Variants in ELOVL7 observed in about 807,000 individuals in gnomAD.
ELOVL7 encodes the protein very long chain fatty acid elongase 7.
ELOVL7 carries 27 observed loss-of-function variants against 35.7 expected under a neutral mutation model. The ratio of observed to expected loss-of-function variants is 0.76; its 90% CI spans 0.56 to 1.04. The LOEUF (loss-of-function observed/expected upper bound fraction) is 1.04, where lower values mean the gene tolerates loss of function less well. Among genes scored for constraint, ELOVL7 ranks in the 50% least tolerant of loss-of-function variants. The pLI is 0.00. For synonymous variants in ELOVL7, 113 were observed against 114.6 expected (o/e 0.99, Z 0.09); for missense variants, 327 against 340.8 (o/e 0.96, Z 0.32).
chr5:60,836,001 A>T (rs1032447636), intron 1 of ELOVL7, among the ~76,000 whole-genome samples: 1 of 152,038 alleles, frequency 6.6e-6, no homozygotes, highest in Admixed American at 6.5e-5. Context: ...CCATGTGCTT[A>T]TAGGGAAATG....
chr5:60,762,171 TG>T lies in ELOVL7; in HGVS notation c.499+2055del, dbSNP rs572497793. The stretch of plus-strand genomic sequence containing the variant: ...GACAAGAAACCCGTTATAAAGTGAC[TG>T]ATGTCCATAAACATAGTACCACTTA... On this transcript the variant is annotated intron_variant, in intron 7 of 8. Transcript: ENST00000508821. 2.4e-4 allele frequency among the ~76,000 whole-genome samples: 37 copies of T among 152,066 alleles called. No individual in the cohort carries two copies. In the South Asian group the frequency reaches 7.3e-3, roughly 30 times the overall value.
chr5:60,840,535 G>A (rs1747104481), intron 1 of ELOVL7, among the ~76,000 whole-genome samples: 2 of 152,204 alleles, frequency 1.3e-5, no homozygotes, highest in East Asian at 3.8e-4. Flanking sequence ...AGAACTGTGA[G>A]ACAATAAATT....
At chr5:60,842,347 G>A (rs1293330980) in intron 1 of ELOVL7, among the ~76,000 whole-genome samples, 1 of 152,052 alleles carries the variant, frequency 6.6e-6, no homozygotes, top group Admixed American at 6.6e-5. Flanking sequence ...CTGTTTTGGG[G>A]AAAAGCCGGG....
intron 2 of ELOVL7, among the ~76,000 whole-genome samples, chr5:60,797,115 C>G (rs1744308271): frequency 6.6e-6 from 1 of 152,146 alleles, no homozygotes; most frequent in Admixed American, 6.5e-5. Flanking sequence ...GGAAGCAAAC[C>G]TAGAATGTGG....
intron 3 of ELOVL7, among the ~76,000 whole-genome samples, chr5:60,777,584 C>T (rs1213869184): frequency 1.3e-5 from 2 of 151,750 alleles, no homozygotes; most frequent in Non-Finnish European, 2.9e-5. Context: ...GAGATCTGTG[C>T]CAGAGATATA....
intron 1 of ELOVL7, among the ~76,000 whole-genome samples, chr5:60,807,202 T>C (rs1288603809): frequency 2.0e-5 from 3 of 151,878 alleles, no homozygotes; most frequent in Admixed American, 2.0e-4. Flanking sequence ...TACAACAGGA[T>C]TGATTCTGAT....
Position 60,824,685 on chromosome 5 carries a change from C to T in ELOVL7, c.-86+19475G>A, listed in dbSNP as rs535449232. Among the ~76,000 whole-genome samples, 109 of 152,320 alleles carry T rather than the reference C, an allele frequency of 7.2e-4. 1 individual carries two copies. The highest frequency in any genetic ancestry group is 3.4e-3 in the Middle Eastern group (1 of 294). Reference sequence around the variant, plus strand: ...CTAGAATCCAACTACTTTACTTTAACGGTGGCCCAAGCCACTGTCCTGTCT... The same window carrying T: ...CTAGAATCCAACTACTTTACTTTAATGGTGGCCCAAGCCACTGTCCTGTCT... On this transcript the variant is annotated intron_variant, in intron 1 of 8. Coordinates refer to ENST00000508821, the MANE Select transcript of ELOVL7 (RefSeq NM_024930.3).
intron 3 of ELOVL7, chr5:60,784,255 T>G: frequency 1.4e-6 from 1 of 710,350 alleles, no homozygotes; most frequent in Middle Eastern, 4.2e-4. Context: ...CTTTTTGAAG[T>G]ATTAAAGTTT....
chr5:60,823,328 C>T (rs1478671049), intron 1 of ELOVL7, among the ~76,000 whole-genome samples: 2 of 151,984 alleles, frequency 1.3e-5, no homozygotes, highest in African/African-American at 4.8e-5. Flanking sequence ...TTCTCCAGAG[C>T]CTAAGTCTGG....
intron 1 of ELOVL7, among the ~76,000 whole-genome samples, chr5:60,816,178 GA>G (rs1745504427): frequency 6.6e-6 from 1 of 152,152 alleles, no homozygotes; most frequent in Admixed American, 6.5e-5. Flanking sequence ...TCAAGAGTTT[GA>G]GACCAGCCTG....
At chr5:60,761,212 C>T (rs1741889685) in intron 7 of ELOVL7, among the ~76,000 whole-genome samples, 1 of 151,996 alleles carries the variant, frequency 6.6e-6, no homozygotes, top group South Asian at 2.1e-4. Flanking sequence ...TTGGAAAAAA[C>T]AAAGGAATCA....
chr5:60,830,312 CAAAT>C (rs1292818753), intron 1 of ELOVL7, among the ~76,000 whole-genome samples: 2 of 152,090 alleles, frequency 1.3e-5, no homozygotes, highest in Non-Finnish European at 2.9e-5. Flanking sequence ...ATAAATAAGA[CAAAT>C]AGTGGCAAAA....
At chr5:60,795,130 A>G (rs948371175) in intron 2 of ELOVL7, among the ~76,000 whole-genome samples, 2 of 152,196 alleles carry the variant, frequency 1.3e-5, no homozygotes, top group African/African-American at 4.8e-5. Flanking sequence ...AAGGCAGCTA[A>G]CTGTGACTGA....
chr5:60,789,100 T>C (rs889600990), intron 2 of ELOVL7, among the ~76,000 whole-genome samples: 2 of 152,130 alleles, frequency 1.3e-5, no homozygotes, highest in Non-Finnish European at 2.9e-5. Context: ...CTAGATGACA[T>C]AGTAGAAGAC....
intron 1 of ELOVL7, among the ~76,000 whole-genome samples, chr5:60,825,642 A>G (rs906666215): frequency 1.3e-5 from 2 of 152,180 alleles, no homozygotes; most frequent in Non-Finnish European, 2.9e-5. Context: ...ACCTTCTCAT[A>G]AGCAGTGTAT....
intron 1 of ELOVL7, among the ~76,000 whole-genome samples, chr5:60,824,713 T>C (rs1209968144): frequency 6.6e-6 from 1 of 152,258 alleles, no homozygotes; most frequent in Non-Finnish European, 1.5e-5. Flanking sequence ...TCCTGTCTTA[T>C]CCGGATTGCT....
At chr5:60,806,586 CAAA>C (rs937996411) in intron 1 of ELOVL7, among the ~76,000 whole-genome samples, 1 of 149,282 alleles carries the variant, frequency 6.7e-6, no homozygotes, top group African/African-American at 2.5e-5. Context: ...TCAAATACTG[CAAA>C]AAAAGAAAAA....
chr5:60,788,117 G>A (rs955079560), intron 2 of ELOVL7, among the ~76,000 whole-genome samples: 6 of 152,062 alleles, frequency 3.9e-5, no homozygotes, highest in Admixed American at 6.6e-5. Context: ...AGAAACGAAC[G>A]TAATAGATTA....
At position 60,772,029 on chromosome 5, in the gene ELOVL7, G is replaced by T. The variant is rs1241900100; in HGVS notation, c.129C>A (p.Phe43Leu). The T allele has an allele frequency of 6.2e-7, 1 of 1,613,654 alleles. No individual in the cohort carries two copies. Among genetic ancestry groups the T allele is most frequent in the Admixed American group, 1.7e-5 (1 of 59,982 alleles). ...CCAAGGAAGTGACAAAATAGACATA[G>T]AATCCTAGGAGGATGGTTTGTGGCA... ...SPLPQTILLG[F>L]YVYFVTSLGP... Residue 43 changes from phenylalanine (F) to leucine (L), a missense_variant, in exon 4 of 9, where the codon TTC (phenylalanine) becomes TTA (leucine). Phe to Leu is a conservative substitution (Grantham distance 22, BLOSUM62 0). Transcript: ENST00000508821.
Sources: gnomAD v4.1 joint callset for allele counts (sites outside exome capture counted in the v4.1 genomes callset) on GRCh38, gnomAD v4.1.1 for gene constraint, MANE v1.5 for transcripts, NCBI Gene and HGNC (gene_info 2026-07-23, HGNC 2026-07-21) for gene names.